The following TNFRSF1B variants were observed in gnomAD, a reference collection of about 807,000 sequenced individuals.
TNFRSF1B encodes TNF receptor superfamily member 1B.
TNFRSF1B carries 19 observed loss-of-function variants against 44.6 expected under a neutral mutation model. The ratio of observed to expected loss-of-function variants is 0.43; its 90% confidence interval spans 0.30 to 0.62. TNFRSF1B has a LOEUF of 0.62. Ranked by LOEUF, TNFRSF1B falls within the 20% of genes least tolerant of loss-of-function variation. TNFRSF1B has a pLI of 0.16. For synonymous variants in TNFRSF1B, 252 were observed against 261.1 expected (o/e 0.97, Z 0.34); for missense variants, 541 against 619.9 (o/e 0.87, Z 1.35).
chr1:12,182,082 T>C (rs1638825029), intron 1 of TNFRSF1B, among the ~76,000 whole-genome samples: 1 of 152,104 alleles, frequency 6.6e-6, no homozygotes. Context: ...GGGCGGGCCT[T>C]GGGGTTGAGA....
In TNFRSF1B at chr1:12,167,745, C is replaced by T. The variant is rs527311823; in HGVS notation, c.78+576C>T. On this transcript the variant is annotated intron_variant, in intron 1 of 9. Coordinates refer to ENST00000376259, the MANE Select transcript of TNFRSF1B (RefSeq NM_001066.3). ...AGGGCACAGCTGGAGGGCGAGCTGC[C>T]TGTCTGCTTCCTCCGATGCGTCCGG... Among the ~76,000 whole-genome samples the T allele has an allele frequency of 2.0e-5, 3 of 152,334 alleles. No individual in the cohort carries two copies. In the South Asian group the frequency reaches 6.2e-4, roughly 32 times the overall value.
intron 8 of TNFRSF1B, among the ~76,000 whole-genome samples, chr1:12,195,712 G>A (rs1014758792): frequency 1.3e-5 from 2 of 152,176 alleles, no homozygotes; most frequent in Non-Finnish European, 2.9e-5. Flanking sequence ...CAAGGGAGGG[G>A]GGTTGGAAGT....
intron 1 of TNFRSF1B, 128 bp downstream of exon 1, chr1:12,167,297 G>A (rs1638413211): frequency 1.5e-6 from 1 of 675,846 alleles, no homozygotes; most frequent in Non-Finnish European, 2.1e-6. Context: ...GGGAGTCCCA[G>A]TCGCCGCCCC....
chr1:12,167,097 G>A lies in TNFRSF1B; in HGVS notation c.6G>A (p.Ala2=). Residue 2 remains alanine, a synonymous_variant, in exon 1 of 10, where the codon GCG becomes GCA. Coordinates refer to ENST00000376259, the MANE Select transcript of TNFRSF1B (RefSeq NM_001066.3). M[A]PVAVWAALAV... is the part of the protein sequence containing the mutation. ...ACCGGACCCCGCCCGCACCCATGGC[G>A]CCCGTCGCCGTCTGGGCCGCGCTGG... 3 of 1,333,464 alleles carry A rather than the reference G, an allele frequency of 2.2e-6. No individual in the cohort carries two copies. Among genetic ancestry groups the A allele is most frequent in the Non-Finnish European group, 1.9e-6 (2 of 1,039,062 alleles). 82.6% of individuals were successfully genotyped at this position (1,333,464 alleles called of 1,614,324 possible).
Position 12,171,201 on chromosome 1 carries a change from A to C in TNFRSF1B, c.78+4032A>C, listed in dbSNP as rs1249005027. Among the ~76,000 whole-genome samples the C allele has an allele frequency of 3.6e-5, 5 of 140,070 alleles. No homozygotes were observed. The highest frequency in any genetic ancestry group is 2.2e-4 in the South Asian group (1 of 4,468). The allele number at this position is 140,070 out of a possible 152,430, so 91.9% of individuals were successfully genotyped here. On this transcript the variant is annotated intron_variant, in intron 1 of 9. Transcript: ENST00000376259. The surrounding 1 kb of genome is among the most constrained non-coding windows in gnomAD (Gnocchi z 4.5). ...CTTTTTTTTTTTTTTTTTAGTAGAG[A>C]CCGGGTTTTGCCATGTTGGCCAGGC...
chr1:12,198,544 T>G (rs542450595), intron 8 of TNFRSF1B, among the ~76,000 whole-genome samples: 1 of 152,204 alleles, frequency 6.6e-6, no homozygotes, highest in East Asian at 1.9e-4. Context: ...GTGTGAGCCT[T>G]GTGAACACAC....
chr1:12,185,964 G>A (rs1326708271), intron 1 of TNFRSF1B, among the ~76,000 whole-genome samples: 4 of 152,212 alleles, frequency 2.6e-5, no homozygotes, highest in South Asian at 4.1e-4. Flanking sequence ...GGTGGGGTGC[G>A]GGCAGGGAGC....
rs1209835071 is a variant in TNFRSF1B at position 12,178,082 on chromosome 1, C to T, written c.79-10714C>T. ...CCAATGAGGTGGTGGTGGAGGAGAC[C>T]GTGAGCCGCTGTCACCTGAACACTG... On this transcript the variant is annotated intron_variant, in intron 1 of 9. Coordinates refer to ENST00000376259, the MANE Select transcript of TNFRSF1B (RefSeq NM_001066.3). This position sits in a 1 kb window ranked among gnomAD's most constrained non-coding sequence, Gnocchi z 4.3. Among the ~76,000 whole-genome samples, 1 of 152,216 alleles carries T rather than the reference C, an allele frequency of 6.6e-6. No homozygotes were observed. The highest frequency in any genetic ancestry group is 1.5e-5 in the Non-Finnish European group (1 of 68,032).
At position 12,208,664 on chromosome 1, in the gene TNFRSF1B, G is replaced by A. The variant is rs5746074; in HGVS notation, c.*1644G>A. On this transcript the variant is annotated 3_prime_UTR_variant, in exon 10 of 10. Transcript: ENST00000376259. ...GGGATAAAGGAGAAGGCATGAAATT[G>A]TCTAGCAGAGCAGGGGCAGGGTGAT... 6,531 of 152,442 alleles carry A rather than the reference G, an allele frequency of 0.043. 210 individuals carry two copies. Among genetic ancestry groups the A allele is most frequent in the Admixed American group, 0.1 (1,585 of 15,300 alleles). 9.4% of individuals were successfully genotyped at this position (152,442 alleles called of 1,614,324 possible).
intron 1 of TNFRSF1B, among the ~76,000 whole-genome samples, chr1:12,185,868 TC>T (rs1638975955): frequency 6.6e-6 from 1 of 152,112 alleles, no homozygotes; most frequent in African/African-American, 2.4e-5. Flanking sequence ...CAGGGGGGCT[TC>T]CCATCTAGCG....
At chr1:12,175,275 C>T (rs961451356) in intron 1 of TNFRSF1B, among the ~76,000 whole-genome samples, 1 of 152,198 alleles carries the variant, frequency 6.6e-6, no homozygotes, top group Non-Finnish European at 1.5e-5. Context: ...TGGCCAATTC[C>T]CTTCTCCTTT....
chr1:12,208,186 G>C lies in TNFRSF1B; in HGVS notation c.*1166G>C, dbSNP rs536516331. ...TTCACTCCGGTGTGCCTGCAGCCCC[G>C]CGCCTCCTTCCTTGCTGTCCTAGGC... On this transcript the variant is annotated 3_prime_UTR_variant, in exon 10 of 10. Coordinates refer to ENST00000376259, the MANE Select transcript of TNFRSF1B (RefSeq NM_001066.3). 6.5e-6 allele frequency: 1 copy of C among 153,020 alleles called. No homozygotes were observed. The highest frequency in any genetic ancestry group is 2.1e-4 in the South Asian group (1 of 4,822). The allele number at this position is 153,020 out of a possible 1,614,324, so 9.5% of individuals were successfully genotyped here.
chr1:12,201,868 C>G, intron 8 of TNFRSF1B, 99 bp from the exon 9 acceptor site: 1 of 1,446,908 alleles, frequency 6.9e-7, no homozygotes, highest in Admixed American at 2.3e-5. Context: ...CTGAGAAGTG[C>G]TGATGGCAGG....
chr1:12,199,801 C>A lies in TNFRSF1B; in HGVS notation c.901-2166C>A. Among the ~76,000 whole-genome samples the A allele has an allele frequency of 6.6e-6, 1 of 152,224 alleles. No homozygotes were observed. The highest frequency in any genetic ancestry group is 1.5e-5 in the Non-Finnish European group (1 of 68,040). On this transcript the variant is annotated intron_variant, in intron 8 of 9. Transcript: ENST00000376259. The surrounding 1 kb of genome is among the most constrained non-coding windows in gnomAD (Gnocchi z 4.0). ...CCATCAGCCCTTCACTCATCTCTAC[C>A]CTCCTTCTTTCTGCCTGGGACACTT...
At chr1:12,201,820 G>T (rs1340714595) in intron 8 of TNFRSF1B, 147 bp from the exon 9 acceptor site, 2 of 1,186,114 alleles carry the variant, frequency 1.7e-6, no homozygotes, top group Non-Finnish European at 2.3e-6. Flanking sequence ...GCCGTGTGTG[G>T]AAAGAACGTG....
chr1:12,182,892 A>G (rs17879121), intron 1 of TNFRSF1B, among the ~76,000 whole-genome samples: 30,997 of 152,170 alleles, frequency 0.2, 3,352 homozygotes, highest in South Asian at 0.26. Context: ...AGGTTGGGCC[A>G]TTCAGCTTTG....
Position 12,207,565 on chromosome 1 carries a change from G to A in TNFRSF1B, c.*545G>A, listed in dbSNP as rs1268691358. Reference sequence around the variant, plus strand: ...CTGGGGCTCTGTGCAGGGAGGAGGTGGCAGCCCTGTAGGGAACGGGGTCCT... The same window carrying A: ...CTGGGGCTCTGTGCAGGGAGGAGGTAGCAGCCCTGTAGGGAACGGGGTCCT... On this transcript the variant is annotated 3_prime_UTR_variant, in exon 10 of 10. Coordinates refer to ENST00000376259, the MANE Select transcript of TNFRSF1B (RefSeq NM_001066.3). 1.3e-5 allele frequency: 2 copies of A among 153,572 alleles called. No individual in the cohort carries two copies. Among genetic ancestry groups the A allele is most frequent in the Non-Finnish European group, 2.9e-5 (2 of 69,118 alleles). 9.5% of individuals were successfully genotyped at this position (153,572 alleles called of 1,614,324 possible).
At chr1:12,179,454 T>G (rs1481308741) in intron 1 of TNFRSF1B, among the ~76,000 whole-genome samples, 1 of 152,206 alleles carries the variant, frequency 6.6e-6, no homozygotes, top group Non-Finnish European at 1.5e-5. Context: ...CGACCCGCCA[T>G]GCAAATGACG....
chr1:12,183,668 C>G (rs904284186), intron 1 of TNFRSF1B, among the ~76,000 whole-genome samples: 2 of 114,080 alleles, frequency 1.8e-5, no homozygotes, highest in African/African-American at 3.0e-5. Context: ...ATCTATCTAT[C>G]TATCTATCTA....
Sources: allele counts gnomAD v4.1 joint callset (sites outside exome capture counted in the v4.1 genomes callset), GRCh38; gene constraint gnomAD v4.1.1; non-coding constraint Gnocchi (gnomAD v3.1); transcripts MANE v1.5; gene names NCBI Gene and HGNC (gene_info 2026-07-23, HGNC 2026-07-21).